ZMYM2: variants seen among roughly 807,000 people sequenced by gnomAD.
ZMYM2 encodes zinc finger MYM-type protein 2.
ZMYM2 carries 56 observed loss-of-function variants against 162.8 expected under a neutral mutation model. That is an observed-to-expected ratio of 0.34 (90% confidence interval 0.28 to 0.43). The LOEUF is 0.43. Among genes scored for constraint, ZMYM2 ranks in the 20% least tolerant of loss-of-function variants. ZMYM2 has a pLI of 1.00. For synonymous variants in ZMYM2, 510 were observed against 541.6 expected (o/e 0.94, Z 0.81); for missense variants, 1,275 against 1,621.8 (o/e 0.79, Z 3.67).
At chr13:19,971,254 ATATATATAT>A (rs1566182025) in intron 2 of ZMYM2, among the ~76,000 whole-genome samples, 1 of 106,358 alleles carries the variant, frequency 9.4e-6, no homozygotes, top group South Asian at 3.1e-4. Flanking sequence ...GTATATATAT[ATATATATAT>A]TTTTTTTTTT....
rs1958055518 is a variant in ZMYM2, at chr13:20,083,716, A to G, written c.3881A>G (p.Glu1294Gly). Residue 1294 changes from glutamate to glycine, a missense_variant, in exon 24 of 25, where the codon GAA becomes GGA. By Grantham distance (98) the Glu-to-Gly change is moderately conservative. Transcript: ENST00000610343. Reference protein sequence around the residue: ...EDDEPVFEQIENTANPSRCPV... With the variant: ...EDDEPVFEQIGNTANPSRCPV... Reference sequence around the variant, plus strand: ...GATGAGCCAGTATTTGAACAAATTGAAAACACAGCCAATCCTTCCAGATGT... The same window carrying G: ...GATGAGCCAGTATTTGAACAAATTGGAAACACAGCCAATCCTTCCAGATGT... The G allele has an allele frequency of 2.5e-6, 4 of 1,596,814 alleles. No individual in the cohort carries two copies. Among genetic ancestry groups the G allele is most frequent in the Non-Finnish European group, 3.4e-6 (4 of 1,170,156 alleles).
At chr13:19,939,634 A>G in the ZMYM2 span, among the ~76,000 whole-genome samples, 1 of 152,186 alleles carries the variant, frequency 6.6e-6, no homozygotes, top group Non-Finnish European at 1.5e-5. Context: ...TCAATTTGTG[A>G]CAGCAAAAAA....
intron 3 of ZMYM2, among the ~76,000 whole-genome samples, chr13:19,998,844 G>A (rs1023791017): frequency 6.6e-6 from 1 of 152,132 alleles, no homozygotes; most frequent in African/African-American, 2.4e-5. Context: ...ATTTTGTACC[G>A]CAAGGAAAAT....
the ZMYM2 span, among the ~76,000 whole-genome samples, chr13:19,917,434 C>CA: frequency 2.6e-5 from 4 of 151,174 alleles, no homozygotes; most frequent in Non-Finnish European, 4.4e-5. Flanking sequence ...ACCAAAAATA[C>CA]AAAAAATTAG....
At chr13:20,026,328 A>G in intron 7 of ZMYM2, 1 of 220,360 alleles carries the variant, frequency 4.5e-6, no homozygotes, top group Non-Finnish European at 8.8e-6. Context: ...TAAATTTTTC[A>G]GGTTTTACTT....
chr13:19,870,537 C>CTCTT, the ZMYM2 span, among the ~76,000 whole-genome samples: 7 of 109,286 alleles, frequency 6.4e-5, no homozygotes, highest in Non-Finnish European at 9.0e-5. Flanking sequence ...TTCTTTCTTT[C>CTCTT]TCTTTCTTTC....
chr13:19,959,150 A>G (rs1206831995), intron 1 of ZMYM2, among the ~76,000 whole-genome samples: 6 of 142,404 alleles, frequency 4.2e-5, no homozygotes, highest in African/African-American at 1.5e-4. Context: ...GGCGGCCGCC[A>G]GCGGCGGGGG....
chr13:19,889,878 A>G, the ZMYM2 span, among the ~76,000 whole-genome samples: 1 of 151,584 alleles, frequency 6.6e-6, no homozygotes, highest in Admixed American at 6.6e-5. Flanking sequence ...TTAGCTATTG[A>G]GCAGTCATTG....
the ZMYM2 span, among the ~76,000 whole-genome samples, chr13:19,915,415 T>TTTTCTTTCTTTCTTTCTTTCTTTC: frequency 3.5e-4 from 52 of 148,392 alleles, no homozygotes; most frequent in African/African-American, 1.3e-3. Context: ...CTTGCTTGCT[T>TTTTCTTTCTTTCTTTCTTTCTTTC]TTTCTTTCTT....
the ZMYM2 span, among the ~76,000 whole-genome samples, chr13:19,872,881 C>G: frequency 6.6e-6 from 1 of 151,898 alleles, no homozygotes; most frequent in Non-Finnish European, 1.5e-5. Context: ...TGCCTGGAAT[C>G]ACAGTTATTT....
At chr13:19,909,370 C>T in the ZMYM2 span, among the ~76,000 whole-genome samples, 1 of 151,500 alleles carries the variant, frequency 6.6e-6, no homozygotes, top group Non-Finnish European at 1.5e-5. Context: ...AGTAACTTTC[C>T]TTCTGGCTGT....
chr13:20,075,344 T>C (rs1486082168), intron 21 of ZMYM2, among the ~76,000 whole-genome samples: 2 of 152,208 alleles, frequency 1.3e-5, no homozygotes, highest in Admixed American at 1.3e-4. Flanking sequence ...ACTTCTGTTT[T>C]GTACATTGAA....
intron 21 of ZMYM2, among the ~76,000 whole-genome samples, chr13:20,073,391 T>C (rs536240514): frequency 6.6e-6 from 1 of 152,192 alleles, no homozygotes; most frequent in Non-Finnish European, 1.5e-5. Flanking sequence ...CCTTAGCTCA[T>C]AGGTTTGTGG....
chr13:20,046,820 T>C (rs1436943482), intron 12 of ZMYM2, among the ~76,000 whole-genome samples: 2 of 151,784 alleles, frequency 1.3e-5, no homozygotes, highest in African/African-American at 4.8e-5. Context: ...CACCTTGCTA[T>C]GTTTTTTAAA....
At chr13:20,058,788 C>T in intron 15 of ZMYM2, 84 bp downstream of exon 15, 2 of 1,528,494 alleles carry the variant, frequency 1.3e-6, no homozygotes, top group Non-Finnish European at 1.8e-6. Context: ...AATGACACCT[C>T]CAGGATAGAT....
chr13:20,059,619 A>T, intron 16 of ZMYM2, 57 bp downstream of exon 16: 1 of 821,210 alleles, frequency 1.2e-6, no homozygotes, highest in South Asian at 1.4e-5. Flanking sequence ...CAGTTGGGAA[A>T]ACAGTGTACA....
chr13:19,878,323 G>A, the ZMYM2 span, among the ~76,000 whole-genome samples: 4 of 151,938 alleles, frequency 2.6e-5, no homozygotes, highest in African/African-American at 9.7e-5. Context: ...AAGGTACTGG[G>A]ATTACAGGCG....
At chr13:20,019,130 A>G (rs1436012871) in intron 6 of ZMYM2, among the ~76,000 whole-genome samples, 2 of 151,416 alleles carry the variant, frequency 1.3e-5, no homozygotes, top group African/African-American at 4.8e-5. Flanking sequence ...TTCTCAATCC[A>G]TTTTGCATAT....
upstream of ZMYM2, among the ~76,000 whole-genome samples, chr13:19,956,738 T>C (rs1461280899): frequency 6.6e-6 from 1 of 152,250 alleles, no homozygotes; most frequent in Non-Finnish European, 1.5e-5. Flanking sequence ...CTATCATTTA[T>C]CACAGAGCTT....
Sources: gnomAD v4.1 joint callset for allele counts (sites outside exome capture counted in the v4.1 genomes callset) on GRCh38, gnomAD v4.1.1 for gene constraint, MANE v1.5 for transcripts, NCBI Gene and HGNC (gene_info 2026-07-23, HGNC 2026-07-21) for gene names.